REC114: variants seen among roughly 807,000 people sequenced by gnomAD.
REC114 encodes the protein meiotic recombination protein REC114.
A neutral mutation model predicts 31.3 loss-of-function variants in REC114; 27 were observed. The observed-to-expected ratio is 0.86, with a 90% confidence interval of 0.64 to 1.19. REC114 has a LOEUF of 1.19. Among genes scored for constraint, REC114 ranks in the 50% most tolerant of loss-of-function variants. The pLI is 0.00. For synonymous variants in REC114, 134 were observed against 127.7 expected, an observed-to-expected ratio of 1.05 and a Z score of -0.33; for missense variants, 344 against 326.9, an observed-to-expected ratio of 1.05 and a Z score of -0.40.
chr15:73,457,219 C>A (rs1361725690), intron 1 of REC114, among the ~76,000 whole-genome samples: 1 of 152,040 alleles, frequency 6.6e-6, no homozygotes, highest in East Asian at 1.9e-4. Flanking sequence ...ATATTCTACT[C>A]AATGTAAATT....
At chr15:73,505,039 CT>C (rs913341767) in intron 2 of REC114, among the ~76,000 whole-genome samples, 4 of 151,090 alleles carry the variant, frequency 2.6e-5, no homozygotes, top group African/African-American at 4.9e-5. Flanking sequence ...CACAAGTGAC[CT>C]TTTTTTTTCC....
intron 2 of REC114, among the ~76,000 whole-genome samples, chr15:73,524,652 C>T (rs1346487744): frequency 6.6e-6 from 1 of 152,054 alleles, no homozygotes. Context: ...GGCTGGAGTG[C>T]AGTAGTGTGA....
chr15:73,537,231 G>A (rs7173068), intron 2 of REC114, among the ~76,000 whole-genome samples: 27,047 of 152,138 alleles, frequency 0.18, 4,005 homozygotes, highest in African/African-American at 0.41. Context: ...GTGGAATGTT[G>A]AGGGAAAGTA....
chr15:73,515,397 G>A (rs937721195), intron 2 of REC114, among the ~76,000 whole-genome samples: 2 of 151,814 alleles, frequency 1.3e-5, no homozygotes, highest in Non-Finnish European at 2.9e-5. Flanking sequence ...ATATTCTTAC[G>A]GGTTGCTGCA....
intron 2 of REC114, among the ~76,000 whole-genome samples, chr15:73,518,437 A>C (rs977867139): frequency 1.3e-5 from 2 of 152,236 alleles, no homozygotes; most frequent in African/African-American, 4.8e-5. Context: ...TGATCCTTAC[A>C]ATAAATAACC....
chr15:73,543,303 A>G (rs979484325), intron 3 of REC114, among the ~76,000 whole-genome samples: 2 of 152,134 alleles, frequency 1.3e-5, no homozygotes, highest in African/African-American at 4.8e-5. Flanking sequence ...TAAAACTAGG[A>G]ACCATTTGCC....
intron 2 of REC114, chr15:73,483,458 T>A (rs1893322428): frequency 6.5e-6 from 1 of 153,016 alleles, no homozygotes. Flanking sequence ...ACGAAGGTTT[T>A]TGAGCATCTT....
At chr15:73,511,421 G>A (rs1326820746) in intron 2 of REC114, among the ~76,000 whole-genome samples, 2 of 151,996 alleles carry the variant, frequency 1.3e-5, no homozygotes, top group East Asian at 3.9e-4. Flanking sequence ...TTTTTTGAAT[G>A]GTTTTTTGTG....
At chr15:73,510,331 A>G (rs1229584307) in intron 2 of REC114, among the ~76,000 whole-genome samples, 2 of 152,144 alleles carry the variant, frequency 1.3e-5, no homozygotes, top group African/African-American at 4.8e-5. Flanking sequence ...ATCAGCTTAA[A>G]GAGATTTTGG....
chr15:73,470,154 G>T (rs978489101), intron 1 of REC114, among the ~76,000 whole-genome samples: 10 of 151,978 alleles, frequency 6.6e-5, no homozygotes, highest in Admixed American at 2.0e-4. Flanking sequence ...ATAGGGTTGG[G>T]TTTCAGTCTG....
intron 2 of REC114, among the ~76,000 whole-genome samples, chr15:73,495,433 T>C (rs1310909097): frequency 6.6e-6 from 1 of 151,948 alleles, no homozygotes; most frequent in Non-Finnish European, 1.5e-5. Flanking sequence ...ATCTCTGATA[T>C]GTTCTATCCT....
At chr15:73,520,788 A>G (rs973808258) in intron 2 of REC114, among the ~76,000 whole-genome samples, 1 of 152,116 alleles carries the variant, frequency 6.6e-6, no homozygotes, top group Non-Finnish European at 1.5e-5. Flanking sequence ...GTATTTCTAA[A>G]TCTTTCTAGG....
intron 2 of REC114, among the ~76,000 whole-genome samples, chr15:73,509,766 A>T (rs1413417604): frequency 6.6e-6 from 1 of 150,590 alleles, no homozygotes; most frequent in East Asian, 1.9e-4. Flanking sequence ...ATGCGGCGTT[A>T]TTTCTGAGGG....
At chr15:73,502,980 A>G (rs1399062924) in intron 2 of REC114, among the ~76,000 whole-genome samples, 1 of 152,202 alleles carries the variant, frequency 6.6e-6, no homozygotes, top group Non-Finnish European at 1.5e-5. Context: ...ACCACTATAT[A>G]TCTATTAGAA....
At chr15:73,550,294 A>T (rs1401529772) in intron 3 of REC114, among the ~76,000 whole-genome samples, 1 of 152,214 alleles carries the variant, frequency 6.6e-6, no homozygotes, top group Non-Finnish European at 1.5e-5. Flanking sequence ...GATTTTTAAA[A>T]TTTTTTAATT....
At chr15:73,474,281 A>T (rs1893178957) in intron 2 of REC114, among the ~76,000 whole-genome samples, 2 of 152,224 alleles carry the variant, frequency 1.3e-5, no homozygotes, top group African/African-American at 4.8e-5. Flanking sequence ...GATTTGCAGA[A>T]ATAAAGAAAA....
chr15:73,515,130 C>G (rs571375810), intron 2 of REC114, among the ~76,000 whole-genome samples: 2 of 152,134 alleles, frequency 1.3e-5, no homozygotes, highest in African/African-American at 2.4e-5. Flanking sequence ...TTGGGTGTCT[C>G]TCTGTTGCCC....
chr15:73,471,987 C>T (rs542976647), intron 1 of REC114, among the ~76,000 whole-genome samples: 87 of 152,246 alleles, frequency 5.7e-4, no homozygotes, highest in African/African-American at 1.7e-3. Flanking sequence ...GATTTTAAGA[C>T]AGCAAACACT....
At chr15:73,471,902 CAT>C (rs1893138432) in intron 1 of REC114, among the ~76,000 whole-genome samples, 1 of 151,990 alleles carries the variant, frequency 6.6e-6, no homozygotes, top group Non-Finnish European at 1.5e-5. Flanking sequence ...TGATTCCACT[CAT>C]ATAATTAAAA....
Sources: allele counts gnomAD v4.1 joint callset (sites outside exome capture counted in the v4.1 genomes callset), GRCh38; gene constraint gnomAD v4.1.1; transcripts MANE v1.5; gene names NCBI Gene and HGNC (gene_info 2026-07-23, HGNC 2026-07-21).